Variants in MAN2B1 observed in about 807,000 individuals in gnomAD.
MAN2B1 encodes lysosomal alpha-mannosidase.
MAN2B1 carries 99 observed loss-of-function variants against 127.5 expected under a neutral mutation model. That is an observed-to-expected ratio of 0.78 (90% CI 0.66 to 0.92). The LOEUF (loss-of-function observed/expected upper bound fraction) is 0.92, where lower values mean the gene tolerates loss of function less well. MAN2B1 is among the 40% of genes least tolerant of loss of function. MAN2B1 has a pLI of 0.00. For synonymous variants in MAN2B1, 573 were observed against 568.8 expected (o/e 1.01, Z -0.11); for missense variants, 1,304 against 1,384.8 (o/e 0.94, Z 0.93).
chr19:12,654,566 C>T (rs777150991), intron 14 of MAN2B1, among the ~76,000 whole-genome samples: 1 of 152,192 alleles, frequency 6.6e-6, no homozygotes, highest in Admixed American at 6.5e-5. Flanking sequence ...CCAGAACTCA[C>T]AAGACTTTTA....
At chr19:12,652,060 C>T in intron 16 of MAN2B1, 93 bp downstream of exon 16, 1 of 945,516 alleles carries the variant, frequency 1.1e-6, no homozygotes, top group Non-Finnish European at 1.7e-6. Flanking sequence ...AGTAAATCCT[C>T]CCCTACCCTC....
At position 12,666,654 on chromosome 19, in the gene MAN2B1, C is replaced by T. The variant is rs777286610; in HGVS notation, c.48G>A (p.Leu16=). The change falls in exon 1 of 24, where the codon CTG becomes CTA. Residue 16 remains leucine, a synonymous_variant. Coordinates refer to ENST00000456935, the MANE Select transcript of MAN2B1 (RefSeq NM_000528.4). ...ACATGGTCCAGGGGCCTGCTGAGTCCAGGCAGCCGCGAGCGCAGACCCCCG... is the reference window on the plus strand; with the variant it reads ...ACATGGTCCAGGGGCCTGCTGAGTCTAGGCAGCCGCGAGCGCAGACCCCCG... The part of the protein sequence containing the change: ...RASGVCARGC[L]DSAGPWTMSR... 2.7e-5 allele frequency: 42 copies of T among 1,552,700 alleles called. No homozygotes were observed. The highest frequency in any genetic ancestry group is 3.3e-5 in the Non-Finnish European group (38 of 1,148,254).
chr19:12,647,626 G>T lies in MAN2B1; in HGVS notation c.2665-28C>A, dbSNP rs2023724208. 4 of 1,599,380 alleles carry T rather than the reference G, an allele frequency of 2.5e-6. No homozygotes were observed. Among genetic ancestry groups the T allele is most frequent in the Non-Finnish European group, 3.4e-6 (4 of 1,172,488 alleles). On this transcript the variant is annotated intron_variant, in intron 21 of 23. Coordinates refer to ENST00000456935, the MANE Select transcript of MAN2B1 (RefSeq NM_000528.4). The surrounding 1 kb of genome is among the most constrained non-coding windows in gnomAD (Gnocchi z 4.9). ...GCGGGAGAGAGGGCGGGGCTGAGTT[G>T]GAGAGGGGCGGGGCCTGGATGGAGA...
At chr19:12,656,277 A>C (rs557598507) in intron 13 of MAN2B1, 4 of 474,324 alleles carry the variant, frequency 8.4e-6, no homozygotes, top group Non-Finnish European at 1.5e-5. Flanking sequence ...TCATGCCTAT[A>C]ATCCAGCAGG....
intron 12 of MAN2B1, 50 bp downstream of exon 12, chr19:12,656,899 C>A: frequency 7.0e-7 from 1 of 1,423,502 alleles, no homozygotes. Context: ...TTCCAACTAC[C>A]CCCTCTAAAG....
rs2145239106 is a variant in MAN2B1 at position 12,652,191 on chromosome 19, G to A, written c.2008C>T (p.Leu670=). Residue 670 remains leucine, a synonymous_variant, in exon 16 of 24, where the codon CTG becomes TTG. Coordinates refer to ENST00000456935, the MANE Select transcript of MAN2B1 (RefSeq NM_000528.4). ...YIFRPNQQKP[L]PVSRWAQIHL... is the part of the protein sequence containing the mutation. ...ATCTGAGCCCAGCGGCTCACAGGCA[G>A]CGGTTTCTGTTGGTTGGGTCTGAAG... 6.2e-7 allele frequency: 1 copy of A among 1,614,172 alleles called. No individual in the cohort carries two copies. The highest frequency in any genetic ancestry group is 1.1e-5 in the South Asian group (1 of 91,084).
chr19:12,650,361 T>C lies in MAN2B1; in HGVS notation c.2047-139A>G, dbSNP rs533572141. 6.3e-4 allele frequency: 308 copies of C among 488,126 alleles called. 1 individual carries two copies. The South Asian group carries it at 7.1e-3, about 11-fold the overall frequency. The allele number at this position is 488,126 out of a possible 1,614,324, so 30.2% of individuals were successfully genotyped here. ...TTCAGTCACCGCCACATAATTCTTT[T>C]TTTTTTTTTTTTTTTGAGACGGAGT... On this transcript the variant is annotated intron_variant, in intron 16 of 23. Coordinates refer to ENST00000456935, the MANE Select transcript of MAN2B1 (RefSeq NM_000528.4).
In MAN2B1 at chr19:12,657,417, C is replaced by T. The variant is rs372789337; in HGVS notation, c.1419+29G>A. On this transcript the variant is annotated intron_variant, in intron 11 of 23. Coordinates refer to ENST00000456935, the MANE Select transcript of MAN2B1 (RefSeq NM_000528.4). Reference sequence around the variant, plus strand: ...GCCCCGCCCCTTCCTGTCTCCACCCCCGTGTCTCCCAAGTCTCGCCCCGCG... The same window carrying T: ...GCCCCGCCCCTTCCTGTCTCCACCCTCGTGTCTCCCAAGTCTCGCCCCGCG... The T allele has an allele frequency of 1.4e-3, 2,109 of 1,536,348 alleles. 28 individuals carry two copies. The African/African-American group carries it at 0.024, about 18-fold the overall frequency.
chr19:12,662,421 A>C (rs1022874236), intron 6 of MAN2B1, among the ~76,000 whole-genome samples: 6 of 152,080 alleles, frequency 3.9e-5, no homozygotes, highest in Admixed American at 3.3e-4. Flanking sequence ...AAAGGTTAGG[A>C]GTTCGAGACC....
At chr19:12,657,772 G>A in intron 10 of MAN2B1, 1 of 613,424 alleles carries the variant, frequency 1.6e-6, no homozygotes, top group South Asian at 1.9e-5. Flanking sequence ...TGGCTAACAT[G>A]GTGAAACCCC....
rs1320564012 is a variant in MAN2B1 at position 12,663,629 on chromosome 19, G to A, written c.763+74C>T. On this transcript the variant is annotated intron_variant, in intron 5 of 23. Transcript: ENST00000456935. ...TAGGAATTCCAGGACAGTGACAACA[G>A]AGCAGATATCAAGCCCAGGGCCCTT... The A allele has an allele frequency of 5.1e-6, 8 of 1,554,998 alleles. No homozygotes were observed. In the East Asian group the frequency reaches 1.9e-4, roughly 37 times the overall value.
rs1568308845 is a variant in MAN2B1, at chr19:12,665,711, A to AAGT, written c.251_253dup (p.Tyr84dup). On this transcript the variant is annotated inframe_insertion, in exon 2 of 24. Transcript: ENST00000456935. ...CCCCATCCTCTACTCACTTCCATAA[A>AAGT]AGTACTGGTCCACGGTTTTGAGCCA... is the stretch of plus-strand genomic sequence containing the variant. 1 of 1,613,904 alleles carries AAGT rather than the reference A, an allele frequency of 6.2e-7. No individual in the cohort carries two copies. Among genetic ancestry groups the AAGT allele is most frequent in the African/African-American group, 1.3e-5 (1 of 74,986 alleles).
At position 12,659,045 on chromosome 19, in the gene MAN2B1, G is replaced by T. The variant is rs971730280; in HGVS notation, c.1027-535C>A. The T allele has an allele frequency of 1.5e-5, 3 of 197,012 alleles. No individual in the cohort carries two copies. In the South Asian group the frequency reaches 2.5e-4, roughly 16 times the overall value. The allele number at this position is 197,012 out of a possible 1,614,324, so 12.2% of individuals were successfully genotyped here. On this transcript the variant is annotated intron_variant, in intron 7 of 23. Transcript: ENST00000456935. Reference sequence around the variant, plus strand: ...CTAATTTTTTGCATTTTTTAGTAGAGACGGAGTTTCACCGTGTTAGCCAGG... The same window carrying T: ...CTAATTTTTTGCATTTTTTAGTAGATACGGAGTTTCACCGTGTTAGCCAGG...
chr19:12,656,423 A>AG (rs912315197), intron 13 of MAN2B1, 148 bp downstream of exon 13: 29 of 666,426 alleles, frequency 4.4e-5, no homozygotes, highest in Admixed American at 2.0e-4. Flanking sequence ...ACTGATATTA[A>AG]GGGGCAGAGG....
rs28503705 is a variant in MAN2B1, at chr19:12,658,580, T to C, written c.1027-70A>G. 1.8e-3 allele frequency: 2,388 copies of C among 1,318,322 alleles called. 35 individuals are homozygous for C. In the African/African-American group the frequency reaches 0.028, roughly 15 times the overall value. The allele number at this position is 1,318,322 out of a possible 1,614,324, so 81.7% of individuals were successfully genotyped here. On this transcript the variant is annotated intron_variant, in intron 7 of 23. Coordinates refer to ENST00000456935, the MANE Select transcript of MAN2B1 (RefSeq NM_000528.4). ...TCCTGGGGGCCCACACTTCCACACA[T>C]GTGTGCACATTCATGCATCCCATAG...
Position 12,647,610 on chromosome 19 carries a change from A to G in MAN2B1, c.2665-12T>C, listed in dbSNP as rs781508235. On this transcript the variant is annotated splice_polypyrimidine_tract_variant and intron_variant, in intron 21 of 23. Coordinates refer to ENST00000456935, the MANE Select transcript of MAN2B1 (RefSeq NM_000528.4). The surrounding 1 kb of genome is among the most constrained non-coding windows in gnomAD (Gnocchi z 4.9). The stretch of plus-strand genomic sequence containing the variant: ...CGCAGCCCTGAGAACTGCGGGAGAG[A>G]GGGCGGGGCTGAGTTGGAGAGGGGC... 40 of 1,476,972 alleles carry G rather than the reference A, an allele frequency of 2.7e-5. No individual in the cohort carries two copies. The East Asian group carries it at 1.1e-3, about 40-fold the overall frequency. 91.5% of individuals were successfully genotyped at this position (1,476,972 alleles called of 1,614,324 possible).
At position 12,647,603 on chromosome 19, in the gene MAN2B1, GGGAGAGAGGGCGGGGCTGAGTT is replaced by G. The variant is rs773821191; in HGVS notation, c.2665-27_2665-6del. 1.9e-6 allele frequency: 3 copies of G among 1,610,912 alleles called. No individual in the cohort carries two copies. The highest frequency in any genetic ancestry group is 2.5e-6 in the Non-Finnish European group (3 of 1,177,980). On this transcript the variant is annotated splice_region_variant and splice_polypyrimidine_tract_variant and intron_variant, in intron 21 of 23. Coordinates refer to ENST00000456935, the MANE Select transcript of MAN2B1 (RefSeq NM_000528.4). This position sits in a 1 kb window ranked among gnomAD's most constrained non-coding sequence, Gnocchi z 4.9. The stretch of plus-strand genomic sequence containing the variant: ...GTCCCTGCGCAGCCCTGAGAACTGC[GGGAGAGAGGGCGGGGCTGAGTT>G]GGAGAGGGGCGGGGCCTGGATGGAG...
At chr19:12,663,973 A>T in intron 4 of MAN2B1, 138 bp from the exon 5 acceptor site, 1 of 1,181,748 alleles carries the variant, frequency 8.5e-7, no homozygotes, top group Non-Finnish European at 1.2e-6. Flanking sequence ...CTTGCCTATG[A>T]TCCCAGCCTT....
chr19:12,663,337 G>A lies in MAN2B1; in HGVS notation c.889C>T (p.Leu297=), dbSNP rs771874603. 8 of 1,614,214 alleles carry A rather than the reference G, an allele frequency of 5.0e-6. No homozygotes were observed. Among genetic ancestry groups the A allele is most frequent in the Non-Finnish European group, 6.8e-6 (8 of 1,180,050 alleles). ...GTTACCTGGGCAGTGGCCACATTTA[G>A]GAAGTAATCGACCAGCTCCTTGGCG... ...YNAKELVDYF[L]NVATAQGRYY... The change falls in exon 6 of 24, where the codon CTA becomes TTA. Residue 297 remains leucine (L), a synonymous_variant. Transcript: ENST00000456935.
Sources: gnomAD v4.1 joint callset for allele counts (sites outside exome capture counted in the v4.1 genomes callset) on GRCh38, gnomAD v4.1.1 for gene constraint, Gnocchi (gnomAD v3.1) non-coding constraint, MANE v1.5 for transcripts, NCBI Gene and HGNC (gene_info 2026-07-23, HGNC 2026-07-21) for gene names.